Variants in NFIX observed in about 807,000 individuals in gnomAD.
NFIX encodes nuclear factor 1 X-type.
In NFIX, 2 loss-of-function variants were observed where a neutral mutation model predicts 53.3. That is an observed-to-expected ratio of 0.04 (90% CI 0.02 to 0.12). NFIX has a LOEUF of 0.12. Among genes scored for constraint, NFIX ranks in the 10% least tolerant of loss-of-function variants. The pLI is 1.00. For synonymous variants in NFIX, 244 were observed against 289.0 expected, an observed-to-expected ratio of 0.84 and a Z score of 1.58; for missense variants, 310 against 674.5, an observed-to-expected ratio of 0.46 and a Z score of 5.99.
At chr19:12,999,108 A>C (rs936161139) in intron 1 of NFIX, among the ~76,000 whole-genome samples, 6 of 152,066 alleles carry the variant, frequency 3.9e-5, no homozygotes, top group Non-Finnish European at 7.4e-5. Flanking sequence ...GGATGGATAC[A>C]CATCTTTACA....
At position 13,093,292 on chromosome 19, in the gene NFIX, A is replaced by G. The variant is rs1057253018; in HGVS notation, c.1495-1343A>G. 1.3e-5 allele frequency among the ~76,000 whole-genome samples: 2 copies of G among 152,200 alleles called. No individual in the cohort carries two copies. The highest frequency in any genetic ancestry group is 6.5e-5 in the Admixed American group (1 of 15,288). On this transcript the variant is annotated intron_variant, in intron 10 of 10. Coordinates refer to ENST00000592199, the MANE Select transcript of NFIX (RefSeq NM_001365902.3). The surrounding 1 kb of genome is among the most constrained non-coding windows in gnomAD (Gnocchi z 4.7). ...CTCAGTGTCCCTATCCTCAGTCCCA[A>G]ACCAGAGCCTGAGAGCAGGTCTGGC...
intron 1 of NFIX, among the ~76,000 whole-genome samples, chr19:13,008,603 C>T (rs1250311264): frequency 6.6e-6 from 1 of 152,212 alleles, no homozygotes; most frequent in South Asian, 2.1e-4. Flanking sequence ...CCCCACATCC[C>T]TCTTCTTCTT....
chr19:13,069,277 G>T (rs1020995692), intron 2 of NFIX, among the ~76,000 whole-genome samples: 1 of 152,212 alleles, frequency 6.6e-6, no homozygotes, highest in South Asian at 2.1e-4. Flanking sequence ...CTGGCAAGCA[G>T]GCTGGAAAGA....
intron 1 of NFIX, among the ~76,000 whole-genome samples, chr19:13,015,561 C>A (rs2012611792): frequency 6.6e-6 from 1 of 152,218 alleles, no homozygotes; most frequent in Non-Finnish European, 1.5e-5. Context: ...ACCCCTGGCT[C>A]TGCAGAGTCA....
intron 8 of NFIX, among the ~76,000 whole-genome samples, chr19:13,086,391 G>T (rs1053879723): frequency 1.3e-5 from 2 of 152,216 alleles, no homozygotes; most frequent in Admixed American, 1.3e-4. Context: ...AGACATGGCT[G>T]TGAATTCCAG....
intron 1 of NFIX, among the ~76,000 whole-genome samples, chr19:13,023,248 A>G (rs1599733610): frequency 6.7e-6 from 1 of 148,894 alleles, no homozygotes; most frequent in Non-Finnish European, 1.5e-5. Flanking sequence ...GCGCACACAC[A>G]CGCGCACACT....
In NFIX at chr19:13,026,609, C is replaced by T. The variant is rs751468941; in HGVS notation, c.559+1057C>T. ...TTAATTTTTAGCCTCCACTCAGCTA[C>T]GCCCAATTTACTGCCGCCTTTGAAA... On this transcript the variant is annotated intron_variant, in intron 2 of 10. Transcript: ENST00000592199. Among the ~76,000 whole-genome samples the T allele has an allele frequency of 1.2e-4, 18 of 152,166 alleles. 1 individual carries two copies. Among genetic ancestry groups the T allele is most frequent in the South Asian group, 1.0e-3 (5 of 4,826 alleles).
chr19:13,004,393 C>A (rs2011899069), intron 1 of NFIX, among the ~76,000 whole-genome samples: 1 of 152,174 alleles, frequency 6.6e-6, no homozygotes, highest in Non-Finnish European at 1.5e-5. Context: ...CGCATATATA[C>A]CCCATTTCCC....
intron 2 of NFIX, among the ~76,000 whole-genome samples, chr19:13,054,930 C>G (rs931533685): frequency 6.6e-6 from 1 of 152,130 alleles, no homozygotes; most frequent in Non-Finnish European, 1.5e-5. Context: ...GGGGTTTTCC[C>G]CCCCTCTTGT....
chr19:13,067,487 T>C lies in NFIX; in HGVS notation c.560-5560T>C, dbSNP rs200535377. Reference sequence around the variant, plus strand: ...GCGTGTGTGTGTGTGTGTGTGCGTGTGTGTGTGTGTGTGTGTGTATGTGTG... The same window carrying C: ...GCGTGTGTGTGTGTGTGTGTGCGTGCGTGTGTGTGTGTGTGTGTATGTGTG... On this transcript the variant is annotated intron_variant, in intron 2 of 10. Coordinates refer to ENST00000592199, the MANE Select transcript of NFIX (RefSeq NM_001365902.3). This position sits in a 1 kb window ranked among gnomAD's most constrained non-coding sequence, Gnocchi z 4.2. 1.4e-3 allele frequency among the ~76,000 whole-genome samples: 132 copies of C among 96,780 alleles called. No individual in the cohort carries two copies. The highest frequency in any genetic ancestry group is 5.4e-3 in the African/African-American group (113 of 20,918). The allele number at this position is 96,780 out of a possible 152,430, so 63.5% of individuals were successfully genotyped here. A position where few individuals can be genotyped will look rare whatever the true frequency, so the allele number is the denominator to read the frequency against.
rs1416554033 is a variant in NFIX at position 13,081,469 on chromosome 19, T to TTAG, written c.1079-209_1079-208insGTA. On this transcript the variant is annotated intron_variant, in intron 7 of 10. Coordinates refer to ENST00000592199, the MANE Select transcript of NFIX (RefSeq NM_001365902.3). This position sits in a 1 kb window ranked among gnomAD's most constrained non-coding sequence, Gnocchi z 4.7. ...CCCTAGTTTGCCTATTTGATTATTA[T>TTAG]TATTATTATTATTTTTGTATTGCAT... Among the ~76,000 whole-genome samples, 1 of 152,118 alleles carries TTAG rather than the reference T, an allele frequency of 6.6e-6. No individual in the cohort carries two copies. Among genetic ancestry groups the TTAG allele is most frequent in the Middle Eastern group, 3.2e-3 (1 of 316 alleles).
chr19:13,058,384 C>T (rs1027636743), intron 2 of NFIX, among the ~76,000 whole-genome samples: 4 of 152,102 alleles, frequency 2.6e-5, no homozygotes, highest in African/African-American at 9.7e-5. Flanking sequence ...CAGGAGCTCA[C>T]ATCCGTAATC....
chr19:13,089,584 C>G lies in NFIX; in HGVS notation c.1403-715C>G, dbSNP rs773487050. On this transcript the variant is annotated intron_variant, in intron 9 of 10. Transcript: ENST00000592199. The surrounding 1 kb of genome is among the most constrained non-coding windows in gnomAD (Gnocchi z 4.8). ...GTCAGAGGAGGAGAATGCCATAGGCCTGAGCCTTGCCACCCCCTGGGCCCA... is the reference window on the plus strand; with the variant it reads ...GTCAGAGGAGGAGAATGCCATAGGCGTGAGCCTTGCCACCCCCTGGGCCCA... Among the ~76,000 whole-genome samples, 2 of 152,220 alleles carry G rather than the reference C, an allele frequency of 1.3e-5. No homozygotes were observed. The highest frequency in any genetic ancestry group is 2.9e-5 in the Non-Finnish European group (2 of 68,028).
intron 1 of NFIX, chr19:13,023,851 G>T: frequency 1.7e-6 from 1 of 589,568 alleles, no homozygotes. Context: ...GGAAGGGTTT[G>T]AGAATCCACC....
At position 13,066,767 on chromosome 19, in the gene NFIX, G is replaced by A. The variant is rs1002922912; in HGVS notation, c.560-6280G>A. Among the ~76,000 whole-genome samples the A allele has an allele frequency of 2.6e-5, 4 of 152,126 alleles. No individual in the cohort carries two copies. The highest frequency in any genetic ancestry group is 4.4e-5 in the Non-Finnish European group (3 of 68,012). ...TGTGTGTTTGTGCACATGTGTGTGT[G>A]CACATGCATGGTGGCTGGTGGAGCA... On this transcript the variant is annotated intron_variant, in intron 2 of 10. Transcript: ENST00000592199. The surrounding 1 kb of genome is among the most constrained non-coding windows in gnomAD (Gnocchi z 4.2).
chr19:13,024,744 G>T lies in NFIX; in HGVS notation c.28-277G>T, dbSNP rs556450518. The T allele has an allele frequency of 1.2e-5, 19 of 1,531,192 alleles. No individual in the cohort carries two copies. The East Asian group carries it at 4.2e-4, about 33-fold the overall frequency. The allele number at this position is 1,531,192 out of a possible 1,614,324, so 94.9% of individuals were successfully genotyped here. On this transcript the variant is annotated intron_variant, in intron 1 of 10. Transcript: ENST00000592199. ...TGTGAGTGAGTGAGGGAGAGAGAGA[G>T]AGAATAGGTGTGTGTAGAGGCTCCC...
At chr19:13,024,113 C>CAAAAAAAAAAAAAAACAA in intron 1 of NFIX, 1 of 412,068 alleles carries the variant, frequency 2.4e-6, no homozygotes, top group Non-Finnish European at 4.1e-6. Flanking sequence ...AGCAAACAAC[C>CAAAAAAAAAAAAAAACAA]AAAAAAAAAA....
At chr19:13,017,940 C>T (rs996988316) in intron 1 of NFIX, among the ~76,000 whole-genome samples, 6 of 152,234 alleles carry the variant, frequency 3.9e-5, no homozygotes, top group Non-Finnish European at 2.9e-5. Context: ...CCCTTGCCCC[C>T]GGAAGCCCTT....
At chr19:13,079,883 C>T (rs1397437587) in intron 7 of NFIX, among the ~76,000 whole-genome samples, 6 of 152,222 alleles carry the variant, frequency 3.9e-5, no homozygotes, top group African/African-American at 9.7e-5. Context: ...TGCAAGGACG[C>T]GTATGTGAGG....
Sources: allele counts gnomAD v4.1 joint callset (sites outside exome capture counted in the v4.1 genomes callset), GRCh38; gene constraint gnomAD v4.1.1; non-coding constraint Gnocchi (gnomAD v3.1); transcripts MANE v1.5; gene names NCBI Gene and HGNC (gene_info 2026-07-23, HGNC 2026-07-21).